Variants in TMEM38B observed in about 807,000 individuals in gnomAD.
TMEM38B encodes the protein trimeric intracellular cation channel type B.
Under a neutral mutation model 28.7 loss-of-function variants are expected in TMEM38B, and 24 were observed. The observed-to-expected ratio is 0.84, with a 90% CI of 0.61 to 1.18. The LOEUF (loss-of-function observed/expected upper bound fraction) is 1.18, where lower values mean the gene tolerates loss of function less well. Ranked by LOEUF, TMEM38B falls within the 50% of genes most tolerant of loss-of-function variation. The pLI is 0.00. For synonymous variants in TMEM38B, 131 were observed against 127.7 expected (o/e 1.03, Z -0.17); for missense variants, 380 against 350.9 (o/e 1.08, Z -0.66).
At chr9:105,756,839 T>A (rs1392393270) in intron 5 of TMEM38B, among the ~76,000 whole-genome samples, 1 of 152,218 alleles carries the variant, frequency 6.6e-6, no homozygotes, top group Admixed American at 6.5e-5. Flanking sequence ...AACTAATTCA[T>A]TTGCCTAAAT....
chr9:105,759,199 C>T, intron 5 of TMEM38B: 1 of 729,950 alleles, frequency 1.4e-6, no homozygotes. Context: ...CCTCTCCTTA[C>T]TTTTGAATAT....
intron 4 of TMEM38B, among the ~76,000 whole-genome samples, chr9:105,733,867 T>C (rs1316472906): frequency 2.0e-5 from 3 of 152,106 alleles, no homozygotes; most frequent in Non-Finnish European, 2.9e-5. Context: ...TTGCTGAGCG[T>C]AGCTAAGCAT....
At position 105,738,755 on chromosome 9, in the gene TMEM38B, G is replaced by A. The variant is rs12340465; in HGVS notation, c.543-9318G>A. On this transcript the variant is annotated intron_variant, in intron 4 of 5. Coordinates refer to ENST00000374692, the MANE Select transcript of TMEM38B (RefSeq NM_018112.3). The stretch of plus-strand genomic sequence containing the variant: ...TTTTTTTGAGACAAGGTCTCACTCC[G>A]TCGCCCAGGCTGAGTGCAGTGGCGC... Among the ~76,000 whole-genome samples the A allele has an allele frequency of 9.2e-3, 1,140 of 124,478 alleles. 13 individuals carry two copies. Among genetic ancestry groups the A allele is most frequent in the African/African-American group, 0.035 (1,067 of 30,510 alleles). The allele number at this position is 124,478 out of a possible 152,430, so 81.7% of individuals were successfully genotyped here. A position where few individuals can be genotyped will look rare whatever the true frequency, so the allele number is the denominator to read the frequency against.
chr9:105,754,871 A>G (rs1224486953), intron 5 of TMEM38B, among the ~76,000 whole-genome samples: 1 of 152,196 alleles, frequency 6.6e-6, no homozygotes, highest in Non-Finnish European at 1.5e-5. Context: ...ATAGACTACT[A>G]GCTAGACTAA....
rs75388380 is a variant in TMEM38B, at chr9:105,705,276, G to A, written c.113-321G>A. Among the ~76,000 whole-genome samples the A allele has an allele frequency of 0.025, 3,865 of 152,120 alleles. 181 individuals are homozygous for A. Among genetic ancestry groups the A allele is most frequent in the African/African-American group, 0.089 (3,682 of 41,494 alleles). The stretch of plus-strand genomic sequence containing the variant: ...TATTGTCTGGGAGTGCTTACTGTAG[G>A]GTTTGGGATGGAAGGAGACAATAAG... On this transcript the variant is annotated intron_variant, in intron 1 of 5. Coordinates refer to ENST00000374692, the MANE Select transcript of TMEM38B (RefSeq NM_018112.3).
Position 105,728,007 on chromosome 9 carries a change from G to C in TMEM38B, c.542+5386G>C, listed in dbSNP as rs563905501. ...CTCACTAGAAGCTGGGCAGATTTTGGTGCCACTCTTGTACCTCCTGCAGAA... is the reference window on the plus strand; with the variant it reads ...CTCACTAGAAGCTGGGCAGATTTTGCTGCCACTCTTGTACCTCCTGCAGAA... On this transcript the variant is annotated intron_variant, in intron 4 of 5. Coordinates refer to ENST00000374692, the MANE Select transcript of TMEM38B (RefSeq NM_018112.3). Among the ~76,000 whole-genome samples, 14 of 152,108 alleles carry C rather than the reference G, an allele frequency of 9.2e-5. 1 individual carries two copies. The South Asian group carries it at 2.9e-3, about 32-fold the overall frequency.
intron 4 of TMEM38B, among the ~76,000 whole-genome samples, chr9:105,724,484 G>A (rs979695411): frequency 4.6e-5 from 7 of 151,944 alleles, no homozygotes; most frequent in Non-Finnish European, 1.0e-4. Context: ...CTAACTGGGC[G>A]TGATGGCATA....
chr9:105,754,084 G>A (rs1837750281), intron 5 of TMEM38B, among the ~76,000 whole-genome samples: 1 of 151,914 alleles, frequency 6.6e-6, no homozygotes, highest in Non-Finnish European at 1.5e-5. Context: ...ATTGCATAAT[G>A]GTAAAGGATT....
chr9:105,721,573 C>T lies in TMEM38B; in HGVS notation c.306C>T (p.Ser102=). Residue 102 remains serine (S), a synonymous_variant, in exon 3 of 6, where the codon TCC becomes TCT. Coordinates refer to ENST00000374692, the MANE Select transcript of TMEM38B (RefSeq NM_018112.3). Reference sequence around the variant, plus strand: ...TTTTTTGCCCGCATGACCTAGTTTCCCAGGGCTATTCATATCTACCTGTTC... The same window carrying T: ...TTTTTTGCCCGCATGACCTAGTTTCTCAGGGCTATTCATATCTACCTGTTC... ...ITFFCPHDLV[S]QGYSYLPVQL... 6.2e-7 allele frequency: 1 copy of T among 1,609,908 alleles called. No homozygotes were observed. The highest frequency in any genetic ancestry group is 8.5e-7 in the Non-Finnish European group (1 of 1,178,176).
At chr9:105,738,566 T>C (rs956801541) in intron 4 of TMEM38B, among the ~76,000 whole-genome samples, 2 of 152,094 alleles carry the variant, frequency 1.3e-5, no homozygotes, top group African/African-American at 4.8e-5. Flanking sequence ...CTAACATCAC[T>C]CTATTTTCTT....
At chr9:105,758,169 G>A in intron 5 of TMEM38B, 1 of 630,214 alleles carries the variant, frequency 1.6e-6, no homozygotes, top group Non-Finnish European at 2.9e-6. Context: ...GACCTATGGA[G>A]AGTTGGGGTG....
At chr9:105,748,868 A>G (rs1457895540) in intron 5 of TMEM38B, among the ~76,000 whole-genome samples, 1 of 152,204 alleles carries the variant, frequency 6.6e-6, no homozygotes, top group Non-Finnish European at 1.5e-5. Context: ...ATGATTAAGT[A>G]TTGTTCCCTA....
intron 5 of TMEM38B, among the ~76,000 whole-genome samples, chr9:105,766,648 T>C (rs1459041719): frequency 1.3e-5 from 2 of 152,150 alleles, no homozygotes; most frequent in Non-Finnish European, 2.9e-5. Flanking sequence ...CCCTTCTTTT[T>C]GTGTCCTATT....
intron 5 of TMEM38B, among the ~76,000 whole-genome samples, chr9:105,772,440 C>T (rs1826582211): frequency 6.6e-6 from 1 of 152,158 alleles, no homozygotes; most frequent in South Asian, 2.1e-4. Context: ...AGGTACATAT[C>T]TTCACAAGAA....
chr9:105,765,246 C>T (rs1009362639), intron 5 of TMEM38B, among the ~76,000 whole-genome samples: 1 of 152,108 alleles, frequency 6.6e-6, no homozygotes, highest in African/African-American at 2.4e-5. Flanking sequence ...TTAAAAAATG[C>T]TTTAGCAAAG....
At chr9:105,721,491 C>T (rs1836315083) in intron 2 of TMEM38B, 46 bp from the exon 3 acceptor site, 6 of 1,340,400 alleles carry the variant, frequency 4.5e-6, no homozygotes, top group East Asian at 2.7e-5. Context: ...AATTTCTGTT[C>T]TTCTGATTCC....
intron 2 of TMEM38B, among the ~76,000 whole-genome samples, chr9:105,713,386 C>T (rs149215323): frequency 1.3e-5 from 2 of 152,344 alleles, no homozygotes; most frequent in African/African-American, 4.8e-5. Context: ...CTCCCGCTGC[C>T]TGGCCTCTCC....
intron 5 of TMEM38B, among the ~76,000 whole-genome samples, chr9:105,764,721 C>G (rs1038508792): frequency 7.5e-4 from 113 of 150,700 alleles, no homozygotes; most frequent in Non-Finnish European, 1.3e-3. Context: ...TCACAGAATT[C>G]GAAAAAACTA....
At chr9:105,705,830 T>TC in intron 2 of TMEM38B, 77 bp downstream of exon 2, 1 of 1,468,302 alleles carries the variant, frequency 6.8e-7, no homozygotes, top group South Asian at 1.3e-5. Context: ...AATTTTTTTT[T>TC]CTTTGAACAA....
Sources: allele counts gnomAD v4.1 joint callset (sites outside exome capture counted in the v4.1 genomes callset), GRCh38; gene constraint gnomAD v4.1.1; transcripts MANE v1.5; gene names NCBI Gene and HGNC (gene_info 2026-07-23, HGNC 2026-07-21).